ZNF385D: variants seen among roughly 807,000 people sequenced by gnomAD.
The protein encoded by ZNF385D is zinc finger protein 659.
In ZNF385D, 15 loss-of-function variants were observed where a neutral mutation model predicts 35.8. The ratio of observed to expected loss-of-function variants is 0.42; its 90% confidence interval spans 0.28 to 0.64. The LOEUF (loss-of-function observed/expected upper bound fraction) is 0.64, where lower values mean the gene tolerates loss of function less well. Ranked by LOEUF, ZNF385D falls within the 30% of genes least tolerant of loss-of-function variation. The pLI is 0.23. For missense variants in ZNF385D, 474 were observed against 494.6 expected (o/e 0.96, Z 0.39); for synonymous variants, 212 against 186.8 (o/e 1.13, Z -1.10).
intron 3 of ZNF385D, among the ~76,000 whole-genome samples, chr3:21,523,966 G>T (rs920764844): frequency 3.9e-5 from 6 of 152,150 alleles, no homozygotes; most frequent in African/African-American, 1.4e-4. Flanking sequence ...ACAGAGAAAT[G>T]AGTAATCATT....
intron 2 of ZNF385D, among the ~76,000 whole-genome samples, chr3:21,588,152 A>G (rs1012385429): frequency 6.6e-6 from 1 of 152,192 alleles, no homozygotes. Flanking sequence ...ACACGATATT[A>G]TGATAATTGC....
rs565372163 is a variant in ZNF385D at position 21,586,239 on chromosome 3, A to AAAT, written c.166-21558_166-21556dup. ...AAAAAAAGAAAGTATGTTGGAATAC[A>AAAT]AATATTGAGGTGGGTAGGCCTGTAT... is the stretch of plus-strand genomic sequence containing the variant. On this transcript the variant is annotated intron_variant, in intron 2 of 7. Coordinates refer to ENST00000281523, the MANE Select transcript of ZNF385D (RefSeq NM_024697.3). Among the ~76,000 whole-genome samples, 118 of 152,272 alleles carry AAAT rather than the reference A, an allele frequency of 7.7e-4. No individual in the cohort carries two copies. The South Asian group carries it at 0.023, about 30-fold the overall frequency.
At chr3:21,521,363 T>G (rs73134909) in intron 3 of ZNF385D, among the ~76,000 whole-genome samples, 1,915 of 152,348 alleles carry the variant, frequency 0.013, 39 homozygotes, top group African/African-American at 0.044. Context: ...CACAAAGAAC[T>G]TATTGAACAG....
chr3:22,107,254 C>G (rs1702275140), intron 3 of ZNF385D, among the ~76,000 whole-genome samples: 1 of 151,880 alleles, frequency 6.6e-6, no homozygotes, highest in Non-Finnish European at 1.5e-5. Context: ...AACTCCCGAC[C>G]TCAGGTGATT....
At chr3:21,748,090 C>A (rs759191103) in intron 1 of ZNF385D, among the ~76,000 whole-genome samples, 4 of 152,106 alleles carry the variant, frequency 2.6e-5, no homozygotes, top group African/African-American at 4.8e-5. Flanking sequence ...TCCACGGTGA[C>A]TGAACAGCAA....
chr3:22,031,712 CCTT>C (rs1319668318), intron 3 of ZNF385D, among the ~76,000 whole-genome samples: 2 of 152,204 alleles, frequency 1.3e-5, no homozygotes, highest in East Asian at 3.9e-4. Context: ...TTAACATTTG[CCTT>C]CTTGTTACTT....
chr3:21,483,273 C>T (rs979552142), intron 4 of ZNF385D, among the ~76,000 whole-genome samples: 1 of 152,160 alleles, frequency 6.6e-6, no homozygotes, highest in Admixed American at 6.5e-5. Context: ...TGTTCACTCA[C>T]CATAATGTCC....
rs78643915 is a variant in ZNF385D at position 22,266,801 on chromosome 3, A to G, written c.107-97766T>C. 1.0e-3 allele frequency among the ~76,000 whole-genome samples: 153 copies of G among 152,064 alleles called. 1 individual carries two copies. The East Asian group carries it at 0.014, about 14-fold the overall frequency. On this transcript the variant is annotated intron_variant, in intron 2 of 5. Coordinates refer to the ZNF385D transcript ENST00000494108. Reference sequence around the variant, plus strand: ...GTCTGCTCAGATATTATCGGTAAGTAAAGTCCTGACTGTATGATGATGCAC... The same window carrying G: ...GTCTGCTCAGATATTATCGGTAAGTGAAGTCCTGACTGTATGATGATGCAC...
intron 2 of ZNF385D, among the ~76,000 whole-genome samples, chr3:22,349,690 T>C (rs1216045964): frequency 6.6e-6 from 1 of 152,182 alleles, no homozygotes; most frequent in Non-Finnish European, 1.5e-5. Context: ...AGATAATAAA[T>C]GCACTGGACC....
chr3:22,222,597 A>T (rs1029947243), intron 2 of ZNF385D, among the ~76,000 whole-genome samples: 20 of 152,162 alleles, frequency 1.3e-4, no homozygotes, highest in Non-Finnish European at 4.4e-5. Context: ...AGGACAATGG[A>T]CTAGCTATAC....
chr3:22,059,374 C>A (rs1699576726), intron 3 of ZNF385D, among the ~76,000 whole-genome samples: 1 of 152,138 alleles, frequency 6.6e-6, no homozygotes, highest in Non-Finnish European at 1.5e-5. Flanking sequence ...TATGTTGCAG[C>A]CAGCAGCAAG....
chr3:22,297,797 T>C (rs1455485495), intron 2 of ZNF385D, among the ~76,000 whole-genome samples: 1 of 152,116 alleles, frequency 6.6e-6, no homozygotes, highest in Non-Finnish European at 1.5e-5. Context: ...TTAAAATGAA[T>C]GGACATGACT....
At chr3:22,309,491 G>A (rs1254373031) in intron 2 of ZNF385D, among the ~76,000 whole-genome samples, 1 of 151,974 alleles carries the variant, frequency 6.6e-6, no homozygotes, top group Non-Finnish European at 1.5e-5. Flanking sequence ...TATATAGAGA[G>A]TATTAATATA....
At chr3:21,711,039 G>GTTTCTTTTT (rs2068082896) in intron 1 of ZNF385D, among the ~76,000 whole-genome samples, 1 of 83,154 alleles carries the variant, frequency 1.2e-5, no homozygotes, top group Non-Finnish European at 2.1e-5. Flanking sequence ...CCCTCTAAAA[G>GTTTCTTTTT]TTTTTTTTTT....
chr3:21,752,864 A>T (rs2070168435), upstream of ZNF385D, among the ~76,000 whole-genome samples: 1 of 152,150 alleles, frequency 6.6e-6, no homozygotes, highest in Non-Finnish European at 1.5e-5. Flanking sequence ...CCAAAAGTAC[A>T]ATTAGTAGTT....
rs545387926 is a variant in ZNF385D at position 21,656,715 on chromosome 3, A to C, written c.165+8171T>G. ...ATGAGAAGTAGATGTCAGGAGTCCC[A>C]GTTTTCTCTTAGTTTTGCCATTTGC... On this transcript the variant is annotated intron_variant, in intron 2 of 7. Coordinates refer to ENST00000281523, the MANE Select transcript of ZNF385D (RefSeq NM_024697.3). Among the ~76,000 whole-genome samples the C allele has an allele frequency of 1.7e-4, 26 of 152,048 alleles. No homozygotes were observed. The South Asian group carries it at 5.2e-3, about 30-fold the overall frequency.
At chr3:21,707,279 T>G (rs538510137) in intron 1 of ZNF385D, among the ~76,000 whole-genome samples, 34 of 152,330 alleles carry the variant, frequency 2.2e-4, no homozygotes, top group Non-Finnish European at 4.4e-4. Flanking sequence ...TGAAATGATA[T>G]TCAGAATGCT....
chr3:21,789,275 G>T (rs145492915), intron 3 of ZNF385D, among the ~76,000 whole-genome samples: 1 of 152,242 alleles, frequency 6.6e-6, no homozygotes, highest in East Asian at 1.9e-4. Context: ...GAGATATACT[G>T]CCTACAATGA....
chr3:21,918,801 TTTAG>T (rs1361695463), intron 3 of ZNF385D, among the ~76,000 whole-genome samples: 4 of 152,170 alleles, frequency 2.6e-5, no homozygotes, highest in African/African-American at 4.8e-5. Flanking sequence ...TTTTAATCAT[TTTAG>T]TTAAATTTTC....
Sources: allele counts gnomAD v4.1 joint callset (sites outside exome capture counted in the v4.1 genomes callset), GRCh38; gene constraint gnomAD v4.1.1; transcripts MANE v1.5; gene names NCBI Gene and HGNC (gene_info 2026-07-23, HGNC 2026-07-21).